The following INPP5B variants were observed in gnomAD, a reference collection of about 807,000 sequenced individuals.
INPP5B encodes type II inositol 1,4,5-trisphosphate 5-phosphatase.
Under a neutral mutation model 118.5 loss-of-function variants are expected in INPP5B, and 90 were observed. The ratio of observed to expected loss-of-function variants is 0.76; its 90% CI spans 0.64 to 0.90. The LOEUF (loss-of-function observed/expected upper bound fraction) is 0.90. Ranked by LOEUF, INPP5B falls within the 40% of genes least tolerant of loss-of-function variation. The probability of loss-of-function intolerance (pLI) is 0.00; values close to 1 mark genes in which losing one functional copy is unlikely to be tolerated. For synonymous variants in INPP5B, 385 were observed against 418.9 expected (o/e 0.92, Z 0.99); for missense variants, 984 against 1,125.6 (o/e 0.87, Z 1.80).
intron 6 of INPP5B, among the ~76,000 whole-genome samples, chr1:37,933,687 C>A (rs1256387796): frequency 6.7e-6 from 1 of 150,320 alleles, no homozygotes; most frequent in Non-Finnish European, 1.5e-5. Context: ...ACCACCACAC[C>A]CCAGCCTGGG....
intron 22 of INPP5B, chr1:37,864,654 G>T (rs1165680705): frequency 5.8e-6 from 2 of 342,170 alleles, no homozygotes; most frequent in Non-Finnish European, 5.3e-6. Context: ...AAAGAAATAA[G>T]ACATTTTAGT....
chr1:37,946,417 A>C, intron 1 of INPP5B, 83 bp from the exon 2 acceptor site: 1 of 730,878 alleles, frequency 1.4e-6, no homozygotes, highest in Non-Finnish European at 2.2e-6. Flanking sequence ...GGTTGGGGGC[A>C]GGAGGGAGGG....
chr1:37,942,466 T>C (rs999801542), intron 5 of INPP5B, among the ~76,000 whole-genome samples: 1 of 152,014 alleles, frequency 6.6e-6, no homozygotes, highest in Non-Finnish European at 1.5e-5. Flanking sequence ...ATTTGGTGTA[T>C]GTAAAACTTC....
At chr1:37,927,303 A>AG (rs1234840348) in intron 7 of INPP5B, among the ~76,000 whole-genome samples, 1 of 152,052 alleles carries the variant, frequency 6.6e-6, no homozygotes, top group Non-Finnish European at 1.5e-5. Flanking sequence ...TCAAAAAAAA[A>AG]AAGGAGCAGT....
intron 13 of INPP5B, chr1:37,885,017 T>C (rs1277979635): frequency 6.6e-6 from 1 of 152,110 alleles, no homozygotes; most frequent in Non-Finnish European, 1.5e-5. Context: ...AGAAAGACTC[T>C]AGAGTGTGCT....
At chr1:37,897,223 C>T (rs967187304) in intron 7 of INPP5B, among the ~76,000 whole-genome samples, 4 of 151,640 alleles carry the variant, frequency 2.6e-5, no homozygotes, top group Non-Finnish European at 4.4e-5. Flanking sequence ...ACCACCCCGT[C>T]TGGGAGGTGT....
intron 3 of INPP5B, 83 bp downstream of exon 3, chr1:37,945,673 A>G: frequency 1.1e-6 from 1 of 910,704 alleles, no homozygotes; most frequent in Non-Finnish European, 1.8e-6. Context: ...CCTGCCCTGG[A>G]GGGACAGTTG....
chr1:37,927,238 T>C (rs1645263408), intron 7 of INPP5B, among the ~76,000 whole-genome samples: 1 of 151,904 alleles, frequency 6.6e-6, no homozygotes, highest in Non-Finnish European at 1.5e-5. Flanking sequence ...GAAGTTGCAG[T>C]GAGCCAAGAT....
intron 19 of INPP5B, among the ~76,000 whole-genome samples, chr1:37,872,310 C>T (rs376245942): frequency 2.1e-5 from 3 of 140,750 alleles, no homozygotes; most frequent in East Asian, 4.3e-4. Flanking sequence ...GCAGAGGTTA[C>T]GGTGAGCCAA....
chr1:37,884,520 C>T (rs1034044000), intron 13 of INPP5B, among the ~76,000 whole-genome samples: 2 of 152,026 alleles, frequency 1.3e-5, no homozygotes, highest in African/African-American at 2.4e-5. Context: ...CGGGCTCAAT[C>T]GATCCCCCCA....
chr1:37,875,786 A>T (rs1425788376), intron 16 of INPP5B, 70 bp from the exon 17 acceptor site: 1 of 1,090,068 alleles, frequency 9.2e-7, no homozygotes, highest in Non-Finnish European at 1.4e-6. Context: ...TATAGACGGC[A>T]TTCACAGCAC....
intron 7 of INPP5B, among the ~76,000 whole-genome samples, chr1:37,904,467 G>A (rs1644437648): frequency 6.6e-6 from 1 of 152,160 alleles, no homozygotes; most frequent in South Asian, 2.1e-4. Flanking sequence ...AATTCTGTGT[G>A]TGAACATACT....
intron 7 of INPP5B, among the ~76,000 whole-genome samples, chr1:37,905,247 A>C (rs1644465805): frequency 1.3e-5 from 2 of 152,096 alleles, no homozygotes; most frequent in South Asian, 4.1e-4. Context: ...CTAAAAATAC[A>C]AAAATTAGCT....
intron 7 of INPP5B, among the ~76,000 whole-genome samples, chr1:37,897,247 T>C (rs1270332939): frequency 1.3e-5 from 2 of 150,768 alleles, no homozygotes; most frequent in Non-Finnish European, 3.0e-5. Context: ...CAACAGCTCA[T>C]TGAGAACGGG....
chr1:37,889,559 G>A lies in INPP5B; in HGVS notation c.795C>T (p.Phe265=), dbSNP rs1643721327. Residue 265 remains phenylalanine (F), a splice_region_variant and synonymous_variant, in exon 9 of 24, where the codon TTC becomes TTT. Coordinates refer to ENST00000373024, the MANE Select transcript of INPP5B (RefSeq NM_005540.3). ...CATCCTAGAACCCAGTTAGCTACCTGAAGTTCTGGATATAGGTGTAATCCT... is the reference window on the plus strand; with the variant it reads ...CATCCTAGAACCCAGTTAGCTACCTAAAGTTCTGGATATAGGTGTAATCCT... The part of the protein sequence containing the change: ...KEEDYTYIQN[F]RFFAGTYNVN... 10 of 1,609,216 alleles carry A rather than the reference G, an allele frequency of 6.2e-6. No individual in the cohort carries two copies. The East Asian group carries it at 2.0e-4, about 32-fold the overall frequency.
chr1:37,941,750 A>C (rs1645920939), intron 5 of INPP5B, among the ~76,000 whole-genome samples: 1 of 146,772 alleles, frequency 6.8e-6, no homozygotes, highest in Non-Finnish European at 1.5e-5. Context: ...CATCCTGGCT[A>C]ACACGGTGAA....
At chr1:37,946,184 C>T (rs566764688) in intron 2 of INPP5B, 68 bp downstream of exon 2, 37 of 1,455,360 alleles carry the variant, frequency 2.5e-5, no homozygotes, top group South Asian at 1.2e-4. Flanking sequence ...ATAGACACCT[C>T]GACACCTTCC....
intron 8 of INPP5B, 96 bp downstream of exon 8, chr1:37,891,262 T>A: frequency 9.4e-6 from 7 of 742,734 alleles, no homozygotes; most frequent in Non-Finnish European, 1.6e-5. Context: ...CTAGGCCAGC[T>A]ACCCTGGGAC....
At chr1:37,916,025 T>C (rs1644849249) in intron 7 of INPP5B, among the ~76,000 whole-genome samples, 3 of 152,148 alleles carry the variant, frequency 2.0e-5, no homozygotes. Context: ...AAAACAAAGA[T>C]AGGCAGCAAG....
Sources: allele counts gnomAD v4.1 joint callset (sites outside exome capture counted in the v4.1 genomes callset), GRCh38; gene constraint gnomAD v4.1.1; transcripts MANE v1.5; gene names NCBI Gene and HGNC (gene_info 2026-07-23, HGNC 2026-07-21).